The following ZNF516 variants were observed in gnomAD, a reference collection of about 807,000 sequenced individuals.
ZNF516 encodes the protein zinc finger protein 516.
ZNF516 carries 19 observed loss-of-function variants against 79.7 expected under a neutral mutation model. The ratio of observed to expected loss-of-function variants is 0.24; its 90% CI spans 0.17 to 0.35. ZNF516 has a LOEUF of 0.35. ZNF516 is among the 10% of genes least tolerant of loss of function. The pLI is 1.00. For synonymous variants in ZNF516, 877 were observed against 739.5 expected, an observed-to-expected ratio of 1.19 and a Z score of -3.02; for missense variants, 1,678 against 1,679.5, an observed-to-expected ratio of 1.00 and a Z score of 0.02.
rs759012633 is a variant in ZNF516 at position 76,380,334 on chromosome 18, T to C, written c.1811-31A>G. ...GGAGGCAAAATATGAAACGGGAAGTTACCATTTCTCATCAGAACACAGCAA... is the reference window on the plus strand; with the variant it reads ...GGAGGCAAAATATGAAACGGGAAGTCACCATTTCTCATCAGAACACAGCAA... On this transcript the variant is annotated intron_variant, in intron 3 of 6. Transcript: ENST00000443185. The C allele has an allele frequency of 2.5e-6, 4 of 1,602,142 alleles. No individual in the cohort carries two copies. In the Admixed American group the frequency reaches 5.0e-5, roughly 20 times the overall value.
intron 1 of ZNF516, chr18:76,492,737 C>T: frequency 1.0e-6 from 1 of 985,522 alleles, no homozygotes; most frequent in Non-Finnish European, 1.2e-6. Flanking sequence ...CAGCCCTCCT[C>T]TTTTCTCCCC....
chr18:76,455,414 A>T (rs1327116437), intron 2 of ZNF516, among the ~76,000 whole-genome samples: 6 of 152,146 alleles, frequency 3.9e-5, no homozygotes, highest in Non-Finnish European at 4.4e-5. Flanking sequence ...TCCAATGCAA[A>T]TGTTGTGAAC....
intron 3 of ZNF516, among the ~76,000 whole-genome samples, chr18:76,394,953 G>C (rs2075124575): frequency 6.6e-6 from 1 of 152,134 alleles, no homozygotes; most frequent in Admixed American, 6.5e-5. Flanking sequence ...AACCACGGTT[G>C]ACTGGAAGAA....
At chr18:76,426,058 G>C (rs546848632) in intron 3 of ZNF516, among the ~76,000 whole-genome samples, 168 of 152,372 alleles carry the variant, frequency 1.1e-3, no homozygotes, top group South Asian at 2.7e-3. Context: ...AGAGAGCTAT[G>C]TTAGAAAATG....
At chr18:76,450,661 A>G (rs1448026750) in intron 2 of ZNF516, among the ~76,000 whole-genome samples, 1 of 152,174 alleles carries the variant, frequency 6.6e-6, no homozygotes, top group Non-Finnish European at 1.5e-5. Flanking sequence ...GTATTCTGGC[A>G]TTCCTAACTA....
At chr18:76,469,200 C>A (rs898115688) in intron 1 of ZNF516, among the ~76,000 whole-genome samples, 8 of 152,112 alleles carry the variant, frequency 5.3e-5, no homozygotes, top group African/African-American at 1.9e-4. Flanking sequence ...TGCCTTCTCC[C>A]AGCAAAATAT....
rs1012684697 is a variant in ZNF516, at chr18:76,451,347, C to T, written c.-157-8136G>A. On this transcript the variant is annotated intron_variant, in intron 2 of 6. Coordinates refer to ENST00000443185, the MANE Select transcript of ZNF516 (RefSeq NM_014643.4). The surrounding 1 kb of genome is among the most constrained non-coding windows in gnomAD (Gnocchi z 6.0). ...CCGATGTCAGCCCGGGATGGATGTC[C>T]GCGGGTGCAGGGGGGTGACAGCCCG... is the stretch of plus-strand genomic sequence containing the variant. Among the ~76,000 whole-genome samples, 4 of 152,076 alleles carry T rather than the reference C, an allele frequency of 2.6e-5. No individual in the cohort carries two copies. Among genetic ancestry groups the T allele is most frequent in the Non-Finnish European group, 4.4e-5 (3 of 68,018 alleles).
At chr18:76,363,439 T>C (rs973790041) in intron 6 of ZNF516, among the ~76,000 whole-genome samples, 4 of 152,186 alleles carry the variant, frequency 2.6e-5, no homozygotes, top group Middle Eastern at 3.2e-3. Context: ...GGCTTTTCTT[T>C]AGTTAATAGT....
Position 76,441,766 on chromosome 18 carries a change from G to C in ZNF516, c.1289C>G (p.Pro430Arg). The C allele has an allele frequency of 6.4e-7, 1 of 1,565,292 alleles. No individual in the cohort carries two copies. The highest frequency in any genetic ancestry group is 8.6e-7 in the Non-Finnish European group (1 of 1,161,864). Residue 430 changes from proline to arginine, a missense_variant, in exon 3 of 7, where the codon CCG (proline) becomes CGG (arginine). This residue lies in a region of ZNF516 where 1,294 missense variants were observed against 1,248.3 expected (regional missense o/e 1.04). Coordinates refer to ENST00000443185, the MANE Select transcript of ZNF516 (RefSeq NM_014643.4). The part of the protein sequence containing the change: ...QLATRGKVAE[P>R]AEYLKYGAWD... ...GGCCCCGTACTTGAGGTACTCGGCC[G>C]GCTCGGCCACCTTACCCCGCGTGGC...
chr18:76,475,992 G>A (rs1181125915), intron 1 of ZNF516, among the ~76,000 whole-genome samples: 4 of 152,102 alleles, frequency 2.6e-5, no homozygotes, highest in East Asian at 1.9e-4. Flanking sequence ...GTTGTGAAAC[G>A]TCTCACACAC....
At chr18:76,495,620 C>G, upstream of ZNF516, 1 of 633,970 alleles carries the variant, frequency 1.6e-6, no homozygotes, top group Non-Finnish European at 2.2e-6. Flanking sequence ...GTGGTCGCCC[C>G]TCGTCAAGGT....
At chr18:76,391,489 C>G (rs1261780016) in intron 3 of ZNF516, among the ~76,000 whole-genome samples, 1 of 152,114 alleles carries the variant, frequency 6.6e-6, no homozygotes, top group Non-Finnish European at 1.5e-5. Flanking sequence ...TAACCCTACC[C>G]CTACACCTAA....
intron 3 of ZNF516, among the ~76,000 whole-genome samples, chr18:76,430,033 A>T (rs1215916139): frequency 6.6e-6 from 1 of 152,184 alleles, no homozygotes; most frequent in Non-Finnish European, 1.5e-5. Flanking sequence ...TTCCCGAGCC[A>T]GTATCTTCCA....
chr18:76,464,970 C>T (rs28420893), intron 1 of ZNF516, among the ~76,000 whole-genome samples: 2,594 of 152,286 alleles, frequency 0.017, 84 homozygotes, highest in African/African-American at 0.06. Context: ...GGGATACAGC[C>T]GTGCATCCGA....
intron 1 of ZNF516, among the ~76,000 whole-genome samples, chr18:76,468,006 G>T (rs747218862): frequency 6.6e-6 from 1 of 152,104 alleles, no homozygotes; most frequent in African/African-American, 2.4e-5. Context: ...CGCGACGGAC[G>T]GCCTTGCGGG....
chr18:76,429,112 T>A (rs1048730160), intron 3 of ZNF516, among the ~76,000 whole-genome samples: 5 of 152,048 alleles, frequency 3.3e-5, no homozygotes, highest in African/African-American at 1.2e-4. Context: ...GGATGAGGAG[T>A]CCTGAGCCAA....
At chr18:76,371,978 C>T (rs762669419) in intron 4 of ZNF516, among the ~76,000 whole-genome samples, 33 of 152,234 alleles carry the variant, frequency 2.2e-4, no homozygotes, top group Non-Finnish European at 4.0e-4. Flanking sequence ...TGAGCGGGAC[C>T]AGAGCCCACC....
At chr18:76,466,514 C>T (rs913892556) in intron 1 of ZNF516, among the ~76,000 whole-genome samples, 13 of 152,226 alleles carry the variant, frequency 8.5e-5, no homozygotes, top group Non-Finnish European at 1.6e-4. Context: ...GGTGGGATGG[C>T]GGGGACACCA....
chr18:76,495,585 C>T, upstream of ZNF516: 1 of 324,304 alleles, frequency 3.1e-6, no homozygotes, highest in Non-Finnish European at 5.6e-6. Context: ...CCCCTAATAG[C>T]ACTGAATCAC....
Sources: gnomAD v4.1 joint callset for allele counts (sites outside exome capture counted in the v4.1 genomes callset) on GRCh38, gnomAD v4.1.1 for gene constraint, gnomAD v4.1.1 regional missense constraint, Gnocchi (gnomAD v3.1) non-coding constraint, MANE v1.5 for transcripts, NCBI Gene and HGNC (gene_info 2026-07-23, HGNC 2026-07-21) for gene names.